Variants in KCNH1 observed in about 807,000 individuals in gnomAD.
The protein encoded by KCNH1 is potassium voltage-gated channel subfamily H member 1, also known as voltage-gated delayed rectifier potassium channel KCNH1.
Under a neutral mutation model 69.2 loss-of-function variants are expected in KCNH1, and 27 were observed. The ratio of observed to expected loss-of-function variants is 0.39; its 90% CI spans 0.29 to 0.54. The LOEUF is 0.54. Among genes scored for constraint, KCNH1 ranks in the 20% least tolerant of loss-of-function variants. The pLI is 0.68. For missense variants in KCNH1, 798 were observed against 1,261.6 expected (o/e 0.63, Z 5.57); for synonymous variants, 456 against 487.7 (o/e 0.93, Z 0.86).
chr1:210,761,282 G>A (rs1378454083), intron 10 of KCNH1, among the ~76,000 whole-genome samples: 7 of 125,114 alleles, frequency 5.6e-5, no homozygotes, highest in African/African-American at 1.7e-4. Context: ...AAAAGTACAT[G>A]TAAGCACATA....
At chr1:211,056,001 C>T (rs1034359808) in intron 5 of KCNH1, among the ~76,000 whole-genome samples, 4 of 152,208 alleles carry the variant, frequency 2.6e-5, no homozygotes, top group Non-Finnish European at 4.4e-5. Context: ...GCTGTGGTGG[C>T]TATGGGGAGA....
At chr1:210,806,877 C>T (rs1684592579) in intron 7 of KCNH1, among the ~76,000 whole-genome samples, 1 of 132,558 alleles carries the variant, frequency 7.5e-6, no homozygotes, top group Non-Finnish European at 1.6e-5. Context: ...CATGGTGGTG[C>T]ACACGAGTAG....
At chr1:211,055,014 G>C (rs1467100224) in intron 5 of KCNH1, among the ~76,000 whole-genome samples, 1 of 152,078 alleles carries the variant, frequency 6.6e-6, no homozygotes, top group Non-Finnish European at 1.5e-5. Flanking sequence ...CAAGACAGTA[G>C]AATAGAAGCC....
At chr1:211,087,606 T>TACACACAC (rs59377189) in intron 4 of KCNH1, among the ~76,000 whole-genome samples, 8 of 142,774 alleles carry the variant, frequency 5.6e-5, no homozygotes, top group African/African-American at 1.8e-4. Context: ...CCTTTAAGCA[T>TACACACAC]ACACACACAC....
chr1:210,846,829 C>A (rs1685560405), intron 7 of KCNH1, among the ~76,000 whole-genome samples: 1 of 152,108 alleles, frequency 6.6e-6, no homozygotes, highest in Admixed American at 6.5e-5. Flanking sequence ...GCAACCTACT[C>A]ATCTGACAAA....
intron 1 of KCNH1, among the ~76,000 whole-genome samples, chr1:211,123,434 C>T (rs568153627): frequency 6.6e-6 from 1 of 151,974 alleles, no homozygotes; most frequent in Non-Finnish European, 1.5e-5. Flanking sequence ...ATCTATGAGG[C>T]CATTTGAAGG....
intron 10 of KCNH1, among the ~76,000 whole-genome samples, chr1:210,740,928 A>C (rs1188119246): frequency 6.6e-6 from 1 of 152,136 alleles, no homozygotes; most frequent in Admixed American, 6.5e-5. Context: ...AAAATATGGC[A>C]AAGGTGACTT....
chr1:210,704,208 A>AG (rs529897510), intron 10 of KCNH1, among the ~76,000 whole-genome samples: 1 of 152,012 alleles, frequency 6.6e-6, no homozygotes, highest in Non-Finnish European at 1.5e-5. Context: ...GAAGGAAGGG[A>AG]GGGGGCTGAG....
intron 6 of KCNH1, among the ~76,000 whole-genome samples, chr1:210,982,221 T>A (rs927687908): frequency 1.4e-4 from 18 of 131,060 alleles, no homozygotes; most frequent in Non-Finnish European, 2.0e-4. Context: ...CGAGAATACT[T>A]TTATTATTAT....
intron 6 of KCNH1, among the ~76,000 whole-genome samples, chr1:210,987,016 C>T (rs953404233): frequency 6.6e-6 from 1 of 152,184 alleles, no homozygotes; most frequent in Non-Finnish European, 1.5e-5. Flanking sequence ...CTTCCCTTCT[C>T]ACTTCATTTC....
chr1:211,038,061 G>T (rs1035828761), intron 5 of KCNH1, among the ~76,000 whole-genome samples: 3 of 148,178 alleles, frequency 2.0e-5, no homozygotes, highest in Non-Finnish European at 4.4e-5. Flanking sequence ...CCAGGTTCAC[G>T]CCATTCTCCT....
intron 6 of KCNH1, among the ~76,000 whole-genome samples, chr1:210,964,644 C>CAAATTCTACCAG (rs1409418630): frequency 1.8e-4 from 27 of 152,094 alleles, no homozygotes; most frequent in Admixed American, 1.8e-3. Flanking sequence ...CAGGATCTGA[C>CAAATTCTACCAG]AGATTCACAG....
intron 10 of KCNH1, among the ~76,000 whole-genome samples, chr1:210,697,741 C>T (rs937461807): frequency 6.6e-6 from 1 of 152,228 alleles, no homozygotes; most frequent in African/African-American, 2.4e-5. Flanking sequence ...ACTCCTGGAG[C>T]CCAGTCCCTA....
At chr1:210,848,613 C>A (rs1349226364) in intron 7 of KCNH1, among the ~76,000 whole-genome samples, 2 of 152,122 alleles carry the variant, frequency 1.3e-5, no homozygotes, top group Non-Finnish European at 1.5e-5. Context: ...TCTTCTCTGT[C>A]CCATCTTTTG....
intron 7 of KCNH1, among the ~76,000 whole-genome samples, chr1:210,893,343 TGCATTCTTTCTA>T (rs1261426984): frequency 3.9e-5 from 6 of 152,166 alleles, no homozygotes; most frequent in Non-Finnish European, 8.8e-5. Flanking sequence ...GTTTTCTACT[TGCATTCTTTCTA>T]GCATTCTTTC....
chr1:210,765,933 G>C (rs1683621204), intron 10 of KCNH1, among the ~76,000 whole-genome samples: 4 of 151,932 alleles, frequency 2.6e-5, no homozygotes, highest in Admixed American at 2.6e-4. Context: ...CGTGGTGGCA[G>C]GCACCTGTAA....
intron 10 of KCNH1, among the ~76,000 whole-genome samples, chr1:210,756,570 C>A (rs1683404872): frequency 6.6e-6 from 1 of 152,166 alleles, no homozygotes; most frequent in African/African-American, 2.4e-5. Context: ...AATACACTGG[C>A]CTTTGCTACT....
intron 10 of KCNH1, among the ~76,000 whole-genome samples, chr1:210,750,042 T>C (rs9429849): frequency 0.02 from 3,078 of 152,244 alleles, 103 homozygotes; most frequent in African/African-American, 0.07. Flanking sequence ...CGCGTCCAGC[T>C]GGCTGCTTGC....
intron 6 of KCNH1, among the ~76,000 whole-genome samples, chr1:210,999,535 C>CA (rs1009531673): frequency 6.6e-6 from 1 of 152,010 alleles, no homozygotes; most frequent in South Asian, 2.1e-4. Flanking sequence ...GCTTACCAAT[C>CA]AAAAAAAGTC....
Sources: allele counts gnomAD v4.1 joint callset (sites outside exome capture counted in the v4.1 genomes callset), GRCh38; gene constraint gnomAD v4.1.1; transcripts MANE v1.5; gene names NCBI Gene and HGNC (gene_info 2026-07-23, HGNC 2026-07-21).